The following MYT1L variants were observed in gnomAD, a reference collection of about 807,000 sequenced individuals.
MYT1L encodes the protein myelin transcription factor 1 like.
MYT1L carries 12 observed loss-of-function variants against 126.7 expected under a neutral mutation model. The observed-to-expected ratio is 0.09, with a 90% CI of 0.06 to 0.15. The LOEUF (loss-of-function observed/expected upper bound fraction) is 0.15, where lower values mean the gene tolerates loss of function less well. Among genes scored for constraint, MYT1L ranks in the 10% least tolerant of loss-of-function variants. The pLI is 1.00. For synonymous variants in MYT1L, 541 were observed against 604.2 expected (o/e 0.90, Z 1.53); for missense variants, 979 against 1,585.2 (o/e 0.62, Z 6.49).
chr2:1,955,236 C>G (rs1168886791), intron 8 of MYT1L, among the ~76,000 whole-genome samples: 1 of 151,834 alleles, frequency 6.6e-6, no homozygotes, highest in Non-Finnish European at 1.5e-5. Context: ...TAAAGATGCC[C>G]CTTCTTTAGA....
intron 3 of MYT1L, among the ~76,000 whole-genome samples, chr2:2,077,229 T>A (rs965301589): frequency 6.6e-6 from 1 of 152,124 alleles, no homozygotes; most frequent in South Asian, 2.1e-4. Flanking sequence ...TATCCTTATA[T>A]ACAGAATGAG....
At chr2:2,088,089 C>T (rs1188840234) in intron 3 of MYT1L, among the ~76,000 whole-genome samples, 1 of 152,188 alleles carries the variant, frequency 6.6e-6, no homozygotes, top group Non-Finnish European at 1.5e-5. Context: ...GTGCCCAGCA[C>T]ATGGTGAGCG....
intron 4 of MYT1L, among the ~76,000 whole-genome samples, chr2:2,025,632 C>T (rs2065464839): frequency 1.3e-5 from 2 of 152,188 alleles, no homozygotes; most frequent in South Asian, 4.1e-4. Flanking sequence ...GCTGGGACAT[C>T]AATACGCCCA....
At chr2:2,062,923 T>C (rs1558893291) in intron 3 of MYT1L, among the ~76,000 whole-genome samples, 1 of 152,142 alleles carries the variant, frequency 6.6e-6, no homozygotes, top group Admixed American at 6.5e-5. Context: ...TCAAGGGCCA[T>C]CGTCTTCCCT....
Position 1,912,902 on chromosome 2 carries a change from A to G in MYT1L, c.1619-792T>C, listed in dbSNP as rs1283410169. On this transcript the variant is annotated intron_variant, in intron 11 of 24. Transcript: ENST00000647738. The surrounding 1 kb of genome is among the most constrained non-coding windows in gnomAD (Gnocchi z 4.3). ...TTTTCTGGTCCTTCATGAACGCTCT[A>G]CTACTCTGGGTTCTGGGGGAAGGTT... is the stretch of plus-strand genomic sequence containing the variant. 2.0e-5 allele frequency among the ~76,000 whole-genome samples: 3 copies of G among 152,008 alleles called. No individual in the cohort carries two copies. The highest frequency in any genetic ancestry group is 4.4e-5 in the Non-Finnish European group (3 of 68,018).
chr2:2,326,933 G>A (rs1315995596), intron 1 of MYT1L: 1 of 152,050 alleles, frequency 6.6e-6, no homozygotes, highest in African/African-American at 2.4e-5. Context: ...AAGAGAGAGG[G>A]GGCAGAAGAG....
intron 2 of MYT1L, among the ~76,000 whole-genome samples, chr2:2,272,489 T>G (rs1460557705): frequency 6.6e-6 from 1 of 152,146 alleles, no homozygotes; most frequent in Non-Finnish European, 1.5e-5. Context: ...GATCTCAAAC[T>G]ATAAGAAAAG....
At chr2:1,840,452 C>T (rs1009399421) in intron 20 of MYT1L, among the ~76,000 whole-genome samples, 1 of 152,032 alleles carries the variant, frequency 6.6e-6, no homozygotes, top group African/African-American at 2.4e-5. Flanking sequence ...TCTGCCATTC[C>T]CAAGAATTCA....
chr2:2,244,609 G>C (rs2094497905), intron 2 of MYT1L, among the ~76,000 whole-genome samples: 1 of 152,208 alleles, frequency 6.6e-6, no homozygotes, highest in African/African-American at 2.4e-5. Context: ...CTCAGCATAA[G>C]CTGAACTATC....
At position 2,102,604 on chromosome 2, in the gene MYT1L, A is replaced by ATGTGTG. The variant is rs3047992; in HGVS notation, c.-303-48487_-303-48482dup. On this transcript the variant is annotated intron_variant, in intron 3 of 24. Transcript: ENST00000647738. ...TCCATTTTGGCAATGCCTCTTGGGA[A>ATGTGTG]TGTGTGTGTGTGTGTGTGTGTGTGT... Among the ~76,000 whole-genome samples, 535 of 143,118 alleles carry ATGTGTG rather than the reference A, an allele frequency of 3.7e-3. 2 individuals are homozygous for ATGTGTG. The East Asian group carries it at 0.041, about 11-fold the overall frequency. 93.9% of individuals were successfully genotyped at this position (143,118 alleles called of 152,430 possible).
chr2:1,811,174 A>T lies in MYT1L; in HGVS notation c.3081-2007T>A, dbSNP rs1254985869. 6.6e-6 allele frequency: 1 copy of T among 152,166 alleles called. No individual in the cohort carries two copies. Among genetic ancestry groups the T allele is most frequent in the Non-Finnish European group, 1.5e-5 (1 of 68,028 alleles). The allele number at this position is 152,166 out of a possible 1,614,324, so 9.4% of individuals were successfully genotyped here. On this transcript the variant is annotated intron_variant, in intron 21 of 24. Transcript: ENST00000647738. The surrounding 1 kb of genome is among the most constrained non-coding windows in gnomAD (Gnocchi z 4.4). Reference sequence around the variant, plus strand: ...CTTCCAGTCTCCAGAACTTGGAGGAATAAATTTCTGGTTTCTATGCTGCCC... The same window carrying T: ...CTTCCAGTCTCCAGAACTTGGAGGATTAAATTTCTGGTTTCTATGCTGCCC...
chr2:1,847,691 CAA>C (rs1242731798), intron 19 of MYT1L, among the ~76,000 whole-genome samples: 4 of 152,128 alleles, frequency 2.6e-5, no homozygotes, highest in East Asian at 3.8e-4. Flanking sequence ...AGTTTGAAAA[CAA>C]GAGTATAAAG....
rs1415477463 is a variant in MYT1L, at chr2:2,059,947, A to C, written c.-303-5824T>G. On this transcript the variant is annotated intron_variant, in intron 3 of 24. Transcript: ENST00000647738. This position sits in a 1 kb window ranked among gnomAD's most constrained non-coding sequence, Gnocchi z 4.7. ...ATCTCCTAAGCGGCACCCCAACCCC[A>C]CCACGAGCTCGTCAGGGCAGGGGAC... Among the ~76,000 whole-genome samples, 3 of 152,180 alleles carry C rather than the reference A, an allele frequency of 2.0e-5. No individual in the cohort carries two copies. Among genetic ancestry groups the C allele is most frequent in the Non-Finnish European group, 4.4e-5 (3 of 68,038 alleles).
chr2:2,275,929 A>G (rs1559525470), intron 2 of MYT1L, among the ~76,000 whole-genome samples: 1 of 152,120 alleles, frequency 6.6e-6, no homozygotes, highest in Non-Finnish European at 1.5e-5. Context: ...CTTCAGTGTC[A>G]TTCCCAAATG....
At chr2:2,303,008 T>C (rs2095806720) in intron 1 of MYT1L, among the ~76,000 whole-genome samples, 1 of 152,210 alleles carries the variant, frequency 6.6e-6, no homozygotes, top group Non-Finnish European at 1.5e-5. Flanking sequence ...TTACTCATCA[T>C]CTACTATTTG....
At chr2:2,161,538 T>A (rs1489005693) in intron 3 of MYT1L, among the ~76,000 whole-genome samples, 1 of 152,230 alleles carries the variant, frequency 6.6e-6, no homozygotes, top group African/African-American at 2.4e-5. Flanking sequence ...CTATGTTGAA[T>A]CCTTCTATTG....
chr2:1,905,526 C>G (rs2050937130), intron 13 of MYT1L, among the ~76,000 whole-genome samples: 1 of 151,474 alleles, frequency 6.6e-6, no homozygotes. Context: ...GCTAATTTTT[C>G]TATTTTTAGT....
intron 18 of MYT1L, among the ~76,000 whole-genome samples, chr2:1,854,352 G>C (rs910942181): frequency 6.6e-6 from 1 of 152,070 alleles, no homozygotes; most frequent in African/African-American, 2.4e-5. Context: ...ATGTGATTAT[G>C]TAAAGAGATT....
chr2:2,221,149 T>G (rs953238977), intron 2 of MYT1L, among the ~76,000 whole-genome samples: 1 of 152,186 alleles, frequency 6.6e-6, no homozygotes, highest in Non-Finnish European at 1.5e-5. Context: ...CATGGGGGCT[T>G]TGAAAGGTTT....
Sources: allele counts gnomAD v4.1 joint callset (sites outside exome capture counted in the v4.1 genomes callset), GRCh38; gene constraint gnomAD v4.1.1; non-coding constraint Gnocchi (gnomAD v3.1); transcripts MANE v1.5; gene names NCBI Gene and HGNC (gene_info 2026-07-23, HGNC 2026-07-21).